The following TAF1B variants were observed in gnomAD, a reference collection of about 807,000 sequenced individuals.
The protein encoded by TAF1B is TATA-box binding protein associated factor, RNA polymerase I subunit B.
Under a neutral mutation model 83.9 loss-of-function variants are expected in TAF1B, and 61 were observed. The ratio of observed to expected loss-of-function variants is 0.73; its 90% CI spans 0.59 to 0.90. TAF1B has a LOEUF of 0.90. Ranked by LOEUF, TAF1B falls within the 40% of genes least tolerant of loss-of-function variation. The pLI is 0.00. For synonymous variants in TAF1B, 221 were observed against 224.6 expected (o/e 0.98, Z 0.14); for missense variants, 625 against 677.0 (o/e 0.92, Z 0.85).
intron 8 of TAF1B, among the ~76,000 whole-genome samples, 182 bp from the exon 9 acceptor site, chr2:9,904,677 A>G (rs1451726560): frequency 6.6e-6 from 1 of 152,244 alleles, no homozygotes; most frequent in African/African-American, 2.4e-5. Context: ...ACTGCTTTCT[A>G]CAGTGACTGA....
intron 7 of TAF1B, among the ~76,000 whole-genome samples, chr2:9,881,949 G>A (rs1197291526): frequency 6.6e-6 from 1 of 152,120 alleles, no homozygotes; most frequent in Non-Finnish European, 1.5e-5. Flanking sequence ...GGTAGACAAG[G>A]GAGGTAGGCT....
At chr2:9,844,214 G>C (rs1488188649) in intron 1 of TAF1B, 1 of 151,922 alleles carries the variant, frequency 6.6e-6, no homozygotes, top group Non-Finnish European at 1.5e-5. Flanking sequence ...ACAGTGGCAC[G>C]ATCACGGCTC....
At position 9,905,152 on chromosome 2, in the gene TAF1B, A is replaced by G. The variant is rs1239385801; in HGVS notation, c.955+146A>G. 6.2e-6 allele frequency: 4 copies of G among 640,786 alleles called. No homozygotes were observed. In the Admixed American group the frequency reaches 1.2e-4, roughly 20 times the overall value. The allele number at this position is 640,786 out of a possible 1,614,324, so 39.7% of individuals were successfully genotyped here. ...AACTTAATGTCAAAATCCTTTCTTA[A>G]AATAATTCAGACCTTTTAAAATCAT... On this transcript the variant is annotated intron_variant, in intron 9 of 14. Coordinates refer to ENST00000263663, the MANE Select transcript of TAF1B (RefSeq NM_005680.3).
intron 5 of TAF1B, among the ~76,000 whole-genome samples, chr2:9,859,531 T>G (rs1663683261): frequency 6.6e-6 from 1 of 151,952 alleles, no homozygotes; most frequent in South Asian, 2.1e-4. Flanking sequence ...GGACTATAGA[T>G]GCATGCCACC....
chr2:9,909,632 G>GT (rs1342535951), intron 9 of TAF1B, among the ~76,000 whole-genome samples: 1 of 152,196 alleles, frequency 6.6e-6, no homozygotes, highest in Non-Finnish European at 1.5e-5. Context: ...AGGGAGAGCA[G>GT]TTATAAGGGT....
At chr2:9,864,886 A>G (rs1663914966) in intron 5 of TAF1B, among the ~76,000 whole-genome samples, 1 of 152,214 alleles carries the variant, frequency 6.6e-6, no homozygotes, top group African/African-American at 2.4e-5. Context: ...ACAAAATTCA[A>G]CAACGCTTCA....
rs1178383822 is a variant in TAF1B at position 9,875,908 on chromosome 2, A to G, written c.597A>G (p.Ser199=). ...GATCTCTGGATGGAGTTGAATACTC[A>G]CAACGAAAGGAGAAGGGAATCGTGA... ...CSGSLDGVEY[S]QRKEKGIVKM... The change falls in exon 7 of 15, where the codon TCA becomes TCG. Residue 199 remains serine (S), a synonymous_variant. Coordinates refer to ENST00000263663, the MANE Select transcript of TAF1B (RefSeq NM_005680.3). The G allele has an allele frequency of 6.2e-7, 1 of 1,612,512 alleles. No homozygotes were observed. The highest frequency in any genetic ancestry group is 8.5e-7 in the Non-Finnish European group (1 of 1,178,844).
chr2:9,902,311 G>A (rs1475984505), intron 8 of TAF1B, among the ~76,000 whole-genome samples: 2 of 150,858 alleles, frequency 1.3e-5, no homozygotes, highest in South Asian at 2.1e-4. Flanking sequence ...ACAGTGTGAT[G>A]AATTTTCATA....
At chr2:9,928,467 G>A (rs1236300804) in intron 14 of TAF1B, among the ~76,000 whole-genome samples, 1 of 152,148 alleles carries the variant, frequency 6.6e-6, no homozygotes, top group Admixed American at 6.5e-5. Flanking sequence ...CCATTTTCAC[G>A]ATATTGATTG....
intron 8 of TAF1B, among the ~76,000 whole-genome samples, chr2:9,895,947 A>G (rs1665006288): frequency 2.0e-5 from 3 of 151,142 alleles, no homozygotes; most frequent in Admixed American, 6.6e-5. Flanking sequence ...GTCTTAAAGT[A>G]TTGCTTCACG....
intron 1 of TAF1B, among the ~76,000 whole-genome samples, chr2:9,844,973 T>C (rs1007216296): frequency 6.6e-6 from 1 of 152,232 alleles, no homozygotes; most frequent in Non-Finnish European, 1.5e-5. Flanking sequence ...AGTTTACCCC[T>C]ACTACCTCCT....
chr2:9,911,299 T>TA (rs1414177194), intron 10 of TAF1B, among the ~76,000 whole-genome samples: 1 of 152,184 alleles, frequency 6.6e-6, no homozygotes. Flanking sequence ...TTTTAGAAAG[T>TA]AAAGGAATCT....
chr2:9,894,615 G>A (rs1446822305), intron 8 of TAF1B, among the ~76,000 whole-genome samples: 1 of 152,086 alleles, frequency 6.6e-6, no homozygotes, highest in Non-Finnish European at 1.5e-5. Context: ...CCTCATGTTT[G>A]CTAAGTGAAG....
chr2:9,897,419 A>C (rs1665050772), intron 8 of TAF1B, among the ~76,000 whole-genome samples: 1 of 152,218 alleles, frequency 6.6e-6, no homozygotes, highest in South Asian at 2.1e-4. Context: ...TCATTTCATC[A>C]TCCCTCACTA....
At chr2:9,863,942 G>A (rs1294282453) in intron 5 of TAF1B, among the ~76,000 whole-genome samples, 3 of 151,936 alleles carry the variant, frequency 2.0e-5, no homozygotes, top group Admixed American at 6.6e-5. Context: ...GGACACATTC[G>A]AAGCAGTGTG....
intron 1 of TAF1B, among the ~76,000 whole-genome samples, 188 bp from the exon 2 acceptor site, chr2:9,845,032 G>A (rs1572205639): frequency 6.6e-6 from 1 of 151,796 alleles, no homozygotes; most frequent in South Asian, 2.1e-4. Flanking sequence ...ATTTTCTCCA[G>A]TAGTTTAATT....
At chr2:9,878,234 T>A (rs62127139) in intron 7 of TAF1B, among the ~76,000 whole-genome samples, 1 of 148,514 alleles carries the variant, frequency 6.7e-6, no homozygotes, top group South Asian at 2.1e-4. Context: ...TTTTTTTTTT[T>A]AATTGTTTAT....
intron 1 of TAF1B, 28 bp downstream of exon 1, chr2:9,843,587 A>C (rs385513): frequency 0.98 from 1,476,992 of 1,499,672 alleles, 729,053 homozygotes; most frequent in East Asian, 1. Flanking sequence ...CTGGCGGGCC[A>C]CGATCGCCGG....
rs1240141616 is a variant in TAF1B, at chr2:9,882,745, T to C, written c.747T>C (p.Phe249=). The C allele has an allele frequency of 6.2e-7, 1 of 1,611,660 alleles. No homozygotes were observed. The highest frequency in any genetic ancestry group is 8.5e-7 in the Non-Finnish European group (1 of 1,178,894). Residue 249 remains phenylalanine (F), a synonymous_variant, in exon 8 of 15, where the codon TTT becomes TTC. Transcript: ENST00000263663. The part of the protein sequence containing the change: ...EEDHIPYINA[F]QHFPEQMKLY... ...ACCATATTCCTTACATAAATGCTTT[T>C]CAGCATTTTCCAGAACAGATGAAAT...
Sources: gnomAD v4.1 joint callset for allele counts (sites outside exome capture counted in the v4.1 genomes callset) on GRCh38, gnomAD v4.1.1 for gene constraint, MANE v1.5 for transcripts, NCBI Gene and HGNC (gene_info 2026-07-23, HGNC 2026-07-21) for gene names.